The following CORO2B variants were observed in gnomAD, a reference collection of about 807,000 sequenced individuals.
CORO2B encodes the protein coronin-2B.
CORO2B carries 26 observed loss-of-function variants against 58.8 expected under a neutral mutation model. That is an observed-to-expected ratio of 0.44 (90% CI 0.32 to 0.61). The LOEUF (loss-of-function observed/expected upper bound fraction) is 0.61, where lower values mean the gene tolerates loss of function less well. Ranked by LOEUF, CORO2B falls within the 20% of genes least tolerant of loss-of-function variation. The pLI is 0.04. For synonymous variants in CORO2B, 242 were observed against 253.8 expected (o/e 0.95, Z 0.44); for missense variants, 460 against 645.1 (o/e 0.71, Z 3.11).
Position 68,645,621 on chromosome 15 carries a change from C to T in CORO2B, c.216+261C>T, listed in dbSNP as rs531067516. ...TTGGACAAGCCACTCCCTTGGTGTA[C>T]ACAAGGTTCCATTCCCTGAGGGAGT... On this transcript the variant is annotated intron_variant, in intron 2 of 11. Coordinates refer to ENST00000261861, the MANE Select transcript of CORO2B (RefSeq NM_006091.5). This position sits in a 1 kb window ranked among gnomAD's most constrained non-coding sequence, Gnocchi z 4.5. Among the ~76,000 whole-genome samples, 4 of 152,284 alleles carry T rather than the reference C, an allele frequency of 2.6e-5. No individual in the cohort carries two copies. Among genetic ancestry groups the T allele is most frequent in the African/African-American group, 9.6e-5 (4 of 41,566 alleles).
chr15:68,608,891 C>G (rs898275459), intron 1 of CORO2B, among the ~76,000 whole-genome samples: 1 of 152,164 alleles, frequency 6.6e-6, no homozygotes. Context: ...AGCCTCCATC[C>G]ATCCGTTCAA....
At chr15:68,524,856 A>G in the CORO2B span, among the ~76,000 whole-genome samples, 2 of 152,234 alleles carry the variant, frequency 1.3e-5, no homozygotes, top group Admixed American at 6.5e-5. Flanking sequence ...ATTGATTTAT[A>G]TTATGTTGCA....
At chr15:68,562,980 G>GA in the CORO2B span, among the ~76,000 whole-genome samples, 104,364 of 135,948 alleles carry the variant, frequency 0.77, 39,551 homozygotes, top group East Asian at 0.87. Flanking sequence ...CCATCTCAAA[G>GA]AAAAAAAAAA....
intron 1 of CORO2B, among the ~76,000 whole-genome samples, chr15:68,609,894 A>G (rs949190022): frequency 6.6e-6 from 1 of 152,128 alleles, no homozygotes; most frequent in Non-Finnish European, 1.5e-5. Context: ...GGTTCAGTAC[A>G]CTAGCTTGAC....
chr15:68,616,686 A>C, intron 1 of CORO2B: 7 of 901,842 alleles, frequency 7.8e-6, no homozygotes, highest in Non-Finnish European at 8.0e-6. Flanking sequence ...GAGATCTCCC[A>C]TGGGCGAGGG....
the CORO2B span, among the ~76,000 whole-genome samples, chr15:68,542,468 A>T: frequency 2.0e-5 from 3 of 152,138 alleles, no homozygotes; most frequent in African/African-American, 7.2e-5. Flanking sequence ...GCATCTTTTC[A>T]TTGTTTTTTG....
intron 2 of CORO2B, among the ~76,000 whole-genome samples, chr15:68,664,014 GTGT>G (rs1567000231): frequency 1.3e-5 from 2 of 152,232 alleles, no homozygotes; most frequent in Non-Finnish European, 2.9e-5. Context: ...ATAATATCAA[GTGT>G]TGATGAGGAT....
At chr15:68,660,375 T>G (rs1445667246) in intron 2 of CORO2B, among the ~76,000 whole-genome samples, 1 of 152,148 alleles carries the variant, frequency 6.6e-6, no homozygotes, top group Non-Finnish European at 1.5e-5. Context: ...TTCTTCAAGA[T>G]TCATATCTTT....
At chr15:68,583,654 C>T (rs1281178980) in intron 1 of CORO2B, among the ~76,000 whole-genome samples, 1 of 152,194 alleles carries the variant, frequency 6.6e-6, no homozygotes, top group Non-Finnish European at 1.5e-5. Context: ...GCTATACCTA[C>T]AGTCAGATGG....
chr15:68,551,097 G>T, the CORO2B span, among the ~76,000 whole-genome samples: 12 of 152,088 alleles, frequency 7.9e-5, no homozygotes, highest in Non-Finnish European at 1.5e-4. Context: ...CAGGCTGACC[G>T]CCCCTGGGTG....
rs78385087 is a variant in CORO2B at position 68,706,609 on chromosome 15, G to A, written c.334-4123G>A. 5.2e-3 allele frequency among the ~76,000 whole-genome samples: 795 copies of A among 152,294 alleles called. 11 individuals carry two copies. The highest frequency in any genetic ancestry group is 0.018 in the African/African-American group (753 of 41,550). The stretch of plus-strand genomic sequence containing the variant: ...GAGACATCCCTAGACAGAATCCTCT[G>A]CCCCCAAATATCTCTTCCCTTTGAG... On this transcript the variant is annotated intron_variant, in intron 3 of 11. Transcript: ENST00000261861.
intron 1 of CORO2B, among the ~76,000 whole-genome samples, chr15:68,639,353 A>C (rs912820968): frequency 6.6e-6 from 1 of 152,218 alleles, no homozygotes; most frequent in Non-Finnish European, 1.5e-5. Context: ...CTAACTGGAG[A>C]AAGAAAACAT....
chr15:68,526,208 T>C, the CORO2B span, among the ~76,000 whole-genome samples: 1 of 152,202 alleles, frequency 6.6e-6, no homozygotes, highest in Non-Finnish European at 1.5e-5. Context: ...CGTTTTTGGT[T>C]TTTATTAAGA....
the CORO2B span, among the ~76,000 whole-genome samples, chr15:68,537,745 T>G: frequency 6.6e-6 from 1 of 152,206 alleles, no homozygotes; most frequent in Non-Finnish European, 1.5e-5. Flanking sequence ...ACATGCAGTG[T>G]TTAAATAAAT....
In CORO2B at chr15:68,620,954, C is replaced by T. The variant is rs541785029; in HGVS notation, c.16-24206C>T. On this transcript the variant is annotated intron_variant, in intron 1 of 11. Coordinates refer to ENST00000261861, the MANE Select transcript of CORO2B (RefSeq NM_006091.5). ...GGCCGAGCTCCACTTGGGAGCACAG[C>T]GAGCGGTACAGGGCCTATTATATGC... Among the ~76,000 whole-genome samples, 7 of 152,308 alleles carry T rather than the reference C, an allele frequency of 4.6e-5. No individual in the cohort carries two copies. In the South Asian group the frequency reaches 1.0e-3, roughly 23 times the overall value.
intron 1 of CORO2B, among the ~76,000 whole-genome samples, chr15:68,583,584 T>C (rs1899481912): frequency 6.6e-6 from 1 of 152,110 alleles, no homozygotes; most frequent in Non-Finnish European, 1.5e-5. Flanking sequence ...GGAAGAAGCA[T>C]TGCGGGAGTG....
intron 2 of CORO2B, among the ~76,000 whole-genome samples, chr15:68,650,128 G>C (rs1237955838): frequency 6.6e-6 from 1 of 152,116 alleles, no homozygotes; most frequent in Non-Finnish European, 1.5e-5. Flanking sequence ...CAGCACTTTG[G>C]GAGGCCGAGG....
At position 68,725,862 on chromosome 15, in the gene CORO2B, G is replaced by T; in HGVS notation, c.1331G>T (p.Arg444Leu). The T allele has an allele frequency of 1.2e-6, 2 of 1,613,856 alleles. No individual in the cohort carries two copies. The highest frequency in any genetic ancestry group is 1.7e-6 in the Non-Finnish European group (2 of 1,179,998). Residue 444 changes from arginine to leucine, a missense_variant, in exon 12 of 12, where the codon CGG becomes CTG. This residue lies in a region of CORO2B where 108 missense variants were observed against 102.1 expected (regional missense o/e 1.06). Transcript: ENST00000261861. ...TENELLRMFF[R>L]QQDEIRRLKE... ...CCCCAGCTCCTTCGAATGTTCTTCCGGCAGCAGGATGAGATTCGACGGTTG... is the reference window on the plus strand; with the variant it reads ...CCCCAGCTCCTTCGAATGTTCTTCCTGCAGCAGGATGAGATTCGACGGTTG...
intron 3 of CORO2B, among the ~76,000 whole-genome samples, chr15:68,698,218 C>T (rs1892559879): frequency 6.6e-6 from 1 of 152,222 alleles, no homozygotes; most frequent in Admixed American, 6.5e-5. Context: ...GCCAAGCTTC[C>T]TCATCACAGA....
Sources: gnomAD v4.1 joint callset for allele counts (sites outside exome capture counted in the v4.1 genomes callset) on GRCh38, gnomAD v4.1.1 for gene constraint, gnomAD v4.1.1 regional missense constraint, Gnocchi (gnomAD v3.1) non-coding constraint, MANE v1.5 for transcripts, NCBI Gene and HGNC (gene_info 2026-07-23, HGNC 2026-07-21) for gene names.